Variants in EYA2 observed in about 807,000 individuals in gnomAD.
EYA2 encodes protein phosphatase EYA2.
Under a neutral mutation model 69.2 loss-of-function variants are expected in EYA2, and 31 were observed. The ratio of observed to expected loss-of-function variants is 0.45; its 90% CI spans 0.34 to 0.60. EYA2 has a LOEUF of 0.60. Ranked by LOEUF, EYA2 falls within the 20% of genes least tolerant of loss-of-function variation. The pLI, the probability that EYA2 is intolerant of heterozygous loss-of-function variation, is 0.02. For missense variants in EYA2, 622 were observed against 701.2 expected (o/e 0.89, Z 1.28); for synonymous variants, 257 against 279.4 (o/e 0.92, Z 0.80).
chr20:46,948,109 CA>C (rs72010207), intron 1 of EYA2, among the ~76,000 whole-genome samples: 27 of 133,984 alleles, frequency 2.0e-4, no homozygotes, highest in Admixed American at 3.8e-4. Flanking sequence ...GACCTTGTCT[CA>C]AAAAAAAAAA....
chr20:46,921,232 G>T (rs4810576), intron 1 of EYA2, among the ~76,000 whole-genome samples: 2 of 152,120 alleles, frequency 1.3e-5, no homozygotes, highest in African/African-American at 4.8e-5. Flanking sequence ...TTGGAGCCTC[G>T]TAGGTGAGAC....
At chr20:47,128,343 C>A (rs1281841266) in intron 9 of EYA2, among the ~76,000 whole-genome samples, 1 of 152,168 alleles carries the variant, frequency 6.6e-6, no homozygotes, top group African/African-American at 2.4e-5. Flanking sequence ...CCTTTTGTCC[C>A]CTCCAAAGAC....
At chr20:46,918,093 G>C (rs1462202867) in intron 1 of EYA2, among the ~76,000 whole-genome samples, 1 of 152,068 alleles carries the variant, frequency 6.6e-6, no homozygotes, top group African/African-American at 2.4e-5. Flanking sequence ...AGCCGAGGTG[G>C]GCGGATCCTG....
At chr20:47,043,371 T>G (rs2029885547) in intron 5 of EYA2, among the ~76,000 whole-genome samples, 2 of 151,796 alleles carry the variant, frequency 1.3e-5, no homozygotes, top group Non-Finnish European at 2.9e-5. Flanking sequence ...CTGGGAAGAG[T>G]ACACAGGAGT....
At position 47,137,028 on chromosome 20, in the gene EYA2, CA is replaced by C. The variant is rs147323031; in HGVS notation, c.889-6030del. Among the ~76,000 whole-genome samples, 296 of 152,216 alleles carry C rather than the reference CA, an allele frequency of 1.9e-3. 1 individual carries two copies. The highest frequency in any genetic ancestry group is 7.0e-3 in the African/African-American group (289 of 41,542). On this transcript the variant is annotated intron_variant, in intron 9 of 15. Transcript: ENST00000327619. ...CTCTAGTCAAACAAAGATGACATTCCATCCACCCCCACCCCTTAGCCCCCAG... is the reference window on the plus strand; with the variant it reads ...CTCTAGTCAAACAAAGATGACATTCCTCCACCCCCACCCCTTAGCCCCCAG...
chr20:47,119,982 C>T lies in EYA2; in HGVS notation c.888+22814C>T, dbSNP rs918392025. Among the ~76,000 whole-genome samples the T allele has an allele frequency of 4.6e-5, 7 of 152,032 alleles. No homozygotes were observed. The Middle Eastern group carries it at 9.5e-3, about 206-fold the overall frequency. Reference sequence around the variant, plus strand: ...CAGCACTTTGGGAGGCCAAGGCGGGCGGATCACCTGAGGTCAGGAGTTGAG... The same window carrying T: ...CAGCACTTTGGGAGGCCAAGGCGGGTGGATCACCTGAGGTCAGGAGTTGAG... On this transcript the variant is annotated intron_variant, in intron 9 of 15. Transcript: ENST00000327619.
In EYA2 at chr20:46,945,339, G is replaced by A. The variant is rs139008282; in HGVS notation, c.-10-44662G>A. ...TAAGAGTTCGCCACATTCAGCCAGA[G>A]TGGACAGTAGACTGACCGATTTTTA... is the stretch of plus-strand genomic sequence containing the variant. On this transcript the variant is annotated intron_variant, in intron 1 of 15. Coordinates refer to ENST00000327619, the MANE Select transcript of EYA2 (RefSeq NM_005244.5). 3.3e-4 allele frequency among the ~76,000 whole-genome samples: 51 copies of A among 152,330 alleles called. No individual in the cohort carries two copies. The Middle Eastern group carries it at 0.014, about 41-fold the overall frequency.
intron 5 of EYA2, among the ~76,000 whole-genome samples, chr20:47,046,709 G>A (rs1037699302): frequency 4.6e-5 from 7 of 152,194 alleles, no homozygotes; most frequent in South Asian, 2.1e-4. Context: ...AGGTGGCTGC[G>A]ACCACGAAGG....
At chr20:46,897,263 G>A (rs1344431562) in intron 1 of EYA2, among the ~76,000 whole-genome samples, 5 of 152,162 alleles carry the variant, frequency 3.3e-5, no homozygotes, top group Non-Finnish European at 5.9e-5. Flanking sequence ...GAATGGAAAA[G>A]CCCTCAGCAA....
chr20:47,173,589 T>A (rs985220563), intron 12 of EYA2, among the ~76,000 whole-genome samples: 47 of 145,104 alleles, frequency 3.2e-4, no homozygotes, highest in Non-Finnish European at 5.1e-4. Context: ...CTTTAAAAAA[T>A]TTTTTTTTAT....
At chr20:47,109,712 G>A (rs2032694621) in intron 9 of EYA2, among the ~76,000 whole-genome samples, 1 of 152,058 alleles carries the variant, frequency 6.6e-6, no homozygotes, top group Non-Finnish European at 1.5e-5. Context: ...CTCCCACATT[G>A]CCATACATAC....
chr20:47,151,714 G>A (rs1335999061), intron 10 of EYA2, among the ~76,000 whole-genome samples: 1 of 151,918 alleles, frequency 6.6e-6, no homozygotes, highest in Admixed American at 6.6e-5. Flanking sequence ...CTCCCAGGAC[G>A]CCTCATACTT....
At chr20:46,932,172 C>T (rs1378478340) in intron 1 of EYA2, among the ~76,000 whole-genome samples, 4 of 151,962 alleles carry the variant, frequency 2.6e-5, no homozygotes, top group Non-Finnish European at 4.4e-5. Flanking sequence ...TCCCGTTTAT[C>T]AGCCAAATGG....
Position 47,043,290 on chromosome 20 carries a change from G to A in EYA2, c.415+26993G>A, listed in dbSNP as rs965505781. On this transcript the variant is annotated intron_variant, in intron 5 of 15. Transcript: ENST00000327619. ...CATCACAGTACAGATGTATATTTAA[G>A]TAGGACAGGAGGCACAGGCAGGGGA... 1.3e-5 allele frequency among the ~76,000 whole-genome samples: 2 copies of A among 152,134 alleles called. 1 individual carries two copies. Among genetic ancestry groups the A allele is most frequent in the African/African-American group, 4.8e-5 (2 of 41,430 alleles).
intron 4 of EYA2, among the ~76,000 whole-genome samples, chr20:47,008,524 G>A (rs3787265): frequency 0.091 from 13,878 of 152,224 alleles, 1,039 homozygotes; most frequent in East Asian, 0.35. Context: ...AAGTTACCCC[G>A]CTTGGCTGAC....
intron 2 of EYA2, among the ~76,000 whole-genome samples, chr20:46,994,722 C>T (rs1981902968): frequency 6.6e-6 from 1 of 151,962 alleles, no homozygotes; most frequent in African/African-American, 2.4e-5. Context: ...ACACCCAGAA[C>T]AACCTCTACC....
At chr20:47,112,999 G>C (rs2032791806) in intron 9 of EYA2, among the ~76,000 whole-genome samples, 1 of 151,198 alleles carries the variant, frequency 6.6e-6, no homozygotes. Context: ...AGCCTCCCTA[G>C]TAGCTGGGAT....
intron 9 of EYA2, among the ~76,000 whole-genome samples, chr20:47,134,690 A>G (rs957764962): frequency 1.3e-5 from 2 of 152,184 alleles, no homozygotes; most frequent in African/African-American, 4.8e-5. Context: ...AACTTTTCCT[A>G]TAAAGGGATA....
chr20:47,008,396 C>T (rs970629828), intron 4 of EYA2, among the ~76,000 whole-genome samples: 1 of 152,218 alleles, frequency 6.6e-6, no homozygotes, highest in Non-Finnish European at 1.5e-5. Context: ...CGACGCCTGG[C>T]TGTGCATTCT....
Sources: allele counts gnomAD v4.1 joint callset (sites outside exome capture counted in the v4.1 genomes callset), GRCh38; gene constraint gnomAD v4.1.1; transcripts MANE v1.5; gene names NCBI Gene and HGNC (gene_info 2026-07-23, HGNC 2026-07-21).